Variants in CDK14 observed in about 807,000 individuals in gnomAD.
The protein encoded by CDK14 is cyclin dependent kinase 14.
A neutral mutation model predicts 60.7 loss-of-function variants in CDK14; 34 were observed. The ratio of observed to expected loss-of-function variants is 0.56; its 90% CI spans 0.43 to 0.75. CDK14 has a LOEUF of 0.75. Among genes scored for constraint, CDK14 ranks in the 30% least tolerant of loss-of-function variants. The pLI is 0.00. For synonymous variants in CDK14, 197 were observed against 203.7 expected, an observed-to-expected ratio of 0.97 and a Z score of 0.28; for missense variants, 482 against 564.1, an observed-to-expected ratio of 0.85 and a Z score of 1.47.
At chr7:90,862,278 A>G (rs1288302689) in intron 5 of CDK14, among the ~76,000 whole-genome samples, 1 of 152,200 alleles carries the variant, frequency 6.6e-6, no homozygotes, top group Non-Finnish European at 1.5e-5. Flanking sequence ...TGACCAAACC[A>G]TATACTGTCT....
intron 10 of CDK14, among the ~76,000 whole-genome samples, chr7:91,018,493 C>A (rs958904613): frequency 2.6e-5 from 4 of 152,150 alleles, no homozygotes; most frequent in South Asian, 4.1e-4. Flanking sequence ...AGAGTCTACA[C>A]ATGGTAGAAG....
In CDK14 at chr7:91,137,115, G is replaced by A. The variant is rs761499050; in HGVS notation, c.*28+18907G>A. On this transcript the variant is annotated intron_variant, in intron 14 of 14. Coordinates refer to ENST00000380050, the MANE Select transcript of CDK14 (RefSeq NM_001287135.2). ...TAGAGCTTTCTAAATTTATAACTGT[G>A]GATAAAATTGTGCTTGCTGCTTTCC... Among the ~76,000 whole-genome samples, 13 of 152,236 alleles carry A rather than the reference G, an allele frequency of 8.5e-5. No homozygotes were observed. In the South Asian group the frequency reaches 1.2e-3, roughly 15 times the overall value.
At chr7:91,050,762 A>C (rs1177601404) in intron 11 of CDK14, among the ~76,000 whole-genome samples, 1 of 152,220 alleles carries the variant, frequency 6.6e-6, no homozygotes, top group Non-Finnish European at 1.5e-5. Context: ...TGACACCAGC[A>C]TCTGCTTCTG....
chr7:91,134,463 T>G (rs772910241), intron 14 of CDK14, among the ~76,000 whole-genome samples: 8 of 152,160 alleles, frequency 5.3e-5, no homozygotes, highest in Non-Finnish European at 8.8e-5. Flanking sequence ...TGACCTTATA[T>G]ATTTCTTATC....
chr7:90,596,770 C>A, intron 1 of CDK14, 52 bp downstream of exon 1: 1 of 1,437,868 alleles, frequency 7.0e-7, no homozygotes, highest in Non-Finnish European at 9.7e-7. Context: ...CCTCGGCCTG[C>A]GCCCCCGCCG....
intron 6 of CDK14, among the ~76,000 whole-genome samples, chr7:90,881,548 C>A (rs992389845): frequency 6.6e-6 from 1 of 152,148 alleles, no homozygotes; most frequent in Non-Finnish European, 1.5e-5. Flanking sequence ...CCCAACCTAG[C>A]AAGACAGGCC....
chr7:90,861,274 T>TC (rs1256437379), intron 5 of CDK14, among the ~76,000 whole-genome samples: 1 of 152,198 alleles, frequency 6.6e-6, no homozygotes, highest in African/African-American at 2.4e-5. Flanking sequence ...GATGCCTTTC[T>TC]GATCTTGAAT....
At chr7:90,886,550 T>C (rs1791952242) in intron 6 of CDK14, among the ~76,000 whole-genome samples, 1 of 152,180 alleles carries the variant, frequency 6.6e-6, no homozygotes, top group Admixed American at 6.5e-5. Context: ...TTTTGTTCTT[T>C]CCCTTGAAAT....
At chr7:90,638,902 C>G (rs1039686995) in intron 2 of CDK14, among the ~76,000 whole-genome samples, 10 of 151,982 alleles carry the variant, frequency 6.6e-5, no homozygotes, top group African/African-American at 1.7e-4. Context: ...CACTGGTACC[C>G]TTTCTTCCAG....
At chr7:90,810,403 C>G (rs992093484) in intron 5 of CDK14, among the ~76,000 whole-genome samples, 1 of 152,136 alleles carries the variant, frequency 6.6e-6, no homozygotes, top group African/African-American at 2.4e-5. Context: ...TGGAAAAGAC[C>G]TTTGACAAAA....
chr7:91,124,465 A>AT (rs35004664), intron 14 of CDK14, among the ~76,000 whole-genome samples: 19,294 of 151,972 alleles, frequency 0.13, 1,778 homozygotes, highest in East Asian at 0.46. Flanking sequence ...ATTTAGAGTG[A>AT]TTTTTTAAAA....
At chr7:90,946,694 A>C (rs1026786429) in intron 8 of CDK14, among the ~76,000 whole-genome samples, 2 of 152,216 alleles carry the variant, frequency 1.3e-5, no homozygotes, top group Non-Finnish European at 2.9e-5. Context: ...CAGTCCGGGC[A>C]TTTCAGAAGA....
At chr7:90,710,012 G>A in intron 2 of CDK14, 1 of 943,262 alleles carries the variant, frequency 1.1e-6, no homozygotes, top group Non-Finnish European at 1.3e-6. Context: ...GAGCATCTCG[G>A]CAAGTCTGAA....
chr7:90,616,812 G>T (rs1403918788), intron 2 of CDK14, among the ~76,000 whole-genome samples: 1 of 152,076 alleles, frequency 6.6e-6, no homozygotes, highest in Non-Finnish European at 1.5e-5. Context: ...CCACAGTTTT[G>T]GATGATGCAC....
chr7:90,681,406 G>T (rs1260504529), intron 2 of CDK14, among the ~76,000 whole-genome samples: 1 of 152,136 alleles, frequency 6.6e-6, no homozygotes, highest in East Asian at 1.9e-4. Flanking sequence ...CCATTTAGGT[G>T]TCTTCTAGAC....
chr7:90,666,631 C>T (rs1455786190), intron 2 of CDK14, among the ~76,000 whole-genome samples: 5 of 152,094 alleles, frequency 3.3e-5, no homozygotes, highest in South Asian at 2.1e-4. Context: ...TGTTATTTCA[C>T]GGAACATAGT....
chr7:90,917,512 A>G, intron 7 of CDK14, 89 bp from the exon 8 acceptor site: 1 of 1,271,714 alleles, frequency 7.9e-7, no homozygotes, highest in Admixed American at 2.2e-5. Flanking sequence ...CATTTTCCCT[A>G]AATATTAATA....
intron 2 of CDK14, among the ~76,000 whole-genome samples, chr7:90,665,746 C>T (rs1430712215): frequency 6.6e-6 from 1 of 152,190 alleles, no homozygotes; most frequent in African/African-American, 2.4e-5. Flanking sequence ...TCTGCATTTG[C>T]AGCCCCTAAT....
chr7:90,633,015 G>T, intron 2 of CDK14, among the ~76,000 whole-genome samples: 1 of 151,174 alleles, frequency 6.6e-6, no homozygotes, highest in Non-Finnish European at 1.5e-5. Context: ...AGAATTGCTT[G>T]AATCTGGGAG....
Sources: gnomAD v4.1 joint callset for allele counts (sites outside exome capture counted in the v4.1 genomes callset) on GRCh38, gnomAD v4.1.1 for gene constraint, MANE v1.5 for transcripts, NCBI Gene and HGNC (gene_info 2026-07-23, HGNC 2026-07-21) for gene names.